The following PCDHGB6 variants were observed in gnomAD, a reference collection of about 807,000 sequenced individuals.
PCDHGB6 encodes protocadherin gamma-B6.
Under a neutral mutation model 59.1 loss-of-function variants are expected in PCDHGB6, and 51 were observed. The ratio of observed to expected loss-of-function variants is 0.86; its 90% CI spans 0.69 to 1.09. The LOEUF is 1.09. PCDHGB6 is among the 50% of genes least tolerant of loss of function. The pLI is 0.00. For missense variants in PCDHGB6, 1,148 were observed against 1,205.1 expected (o/e 0.95, Z 0.70); for synonymous variants, 466 against 495.1 (o/e 0.94, Z 0.78).
In PCDHGB6 at chr5:141,432,808, C is replaced by G. The variant is rs1473886709; in HGVS notation, c.2418+22188C>G. ...TCGGCAGCCTCGAGTCTCCAGCTAA[C>G]TCTGAAACCTCAGACCTCACTCTGT... is the stretch of plus-strand genomic sequence containing the variant. On this transcript the variant is annotated intron_variant, in intron 1 of 3. Coordinates refer to ENST00000520790, the MANE Select transcript of PCDHGB6 (RefSeq NM_018926.3). This position sits in a 1 kb window ranked among gnomAD's most constrained non-coding sequence, Gnocchi z 6.0. 2 of 1,613,486 alleles carry G rather than the reference C, an allele frequency of 1.2e-6. No individual in the cohort carries two copies. Among genetic ancestry groups the G allele is most frequent in the Non-Finnish European group, 1.7e-6 (2 of 1,180,008 alleles).
intron 1 of PCDHGB6, among the ~76,000 whole-genome samples, chr5:141,458,909 T>G (rs548847649): frequency 6.6e-6 from 1 of 152,192 alleles, no homozygotes; most frequent in African/African-American, 2.4e-5. Context: ...TTTTTTCTAT[T>G]TTTTGTGGAG....
chr5:141,409,130 G>C lies in PCDHGB6; in HGVS notation c.928G>C (p.Glu310Gln), dbSNP rs1265386524. The C allele has an allele frequency of 2.5e-6, 4 of 1,613,994 alleles. No individual in the cohort carries two copies. Among genetic ancestry groups the C allele is most frequent in the Non-Finnish European group, 3.4e-6 (4 of 1,179,886 alleles). The change falls in exon 1 of 4, where the codon GAA becomes CAA. Residue 310 changes from glutamate (E) to glutamine (Q), a missense_variant. Transcript: ENST00000520790. ...MIKNNQSFDF[E>Q]DVERYTMEVE... ...TAAGAATAACCAGTCATTTGATTTT[G>C]AAGATGTAGAAAGGTACACCATGGA...
In PCDHGB6 at chr5:141,427,737, G is replaced by C. The variant is rs1460682938; in HGVS notation, c.2418+17117G>C. 2.5e-6 allele frequency: 3 copies of C among 1,223,986 alleles called. No homozygotes were observed. The African/African-American group carries it at 4.4e-5, about 18-fold the overall frequency. 75.8% of individuals were successfully genotyped at this position (1,223,986 alleles called of 1,614,324 possible). A position where few individuals can be genotyped will look rare whatever the true frequency, so the allele number is the denominator to read the frequency against. On this transcript the variant is annotated intron_variant, in intron 1 of 3. Coordinates refer to ENST00000520790, the MANE Select transcript of PCDHGB6 (RefSeq NM_018926.3). The stretch of plus-strand genomic sequence containing the variant: ...CCTGGACCTAGGGCTGAATGGCCAA[G>C]TCTCCTACTCCATCGTTACCACTGA...
rs770638374 is a variant in PCDHGB6 at position 141,409,524 on chromosome 5, A to G, written c.1322A>G (p.Tyr441Cys). Residue 441 changes from tyrosine (Y) to cysteine (C), a missense_variant, in exon 1 of 4, where the codon TAT becomes TGT. Tyr to Cys is a radical substitution (Grantham distance 194). Coordinates refer to ENST00000520790, the MANE Select transcript of PCDHGB6 (RefSeq NM_018926.3). ...PLSSSRSITL[Y>C]VADINDNAPV... ...TCTTCCAGTAGAAGCATCACCTTGTATGTCGCTGACATCAACGACAACGCC... is the reference window on the plus strand; with the variant it reads ...TCTTCCAGTAGAAGCATCACCTTGTGTGTCGCTGACATCAACGACAACGCC... 11 of 1,613,972 alleles carry G rather than the reference A, an allele frequency of 6.8e-6. No homozygotes were observed. In the South Asian group the frequency reaches 1.1e-4, roughly 16 times the overall value.
Position 141,432,442 on chromosome 5 carries a change from G to A in PCDHGB6, c.2418+21822G>A. 1 of 1,614,228 alleles carries A rather than the reference G, an allele frequency of 6.2e-7. No individual in the cohort carries two copies. Among genetic ancestry groups the A allele is most frequent in the Non-Finnish European group, 8.5e-7 (1 of 1,180,042 alleles). On this transcript the variant is annotated intron_variant, in intron 1 of 3. Transcript: ENST00000520790. The surrounding 1 kb of genome is among the most constrained non-coding windows in gnomAD (Gnocchi z 6.0). ...TGGACCAGAACGACAATGCGCCCGA[G>A]ATCCTGTACCCCGCCCTCCCCACGG...
At position 141,490,479 on chromosome 5, in the gene PCDHGB6, C is replaced by T; in HGVS notation, c.2419-4328C>T. 11 of 1,614,216 alleles carry T rather than the reference C, an allele frequency of 6.8e-6. No homozygotes were observed. Among genetic ancestry groups the T allele is most frequent in the Non-Finnish European group, 9.3e-6 (11 of 1,180,032 alleles). ...CGCTGCTAACCAGCCAGCCTTTGGACCGGGAGGCCACATCCCACTATATCA... is the reference window on the plus strand; with the variant it reads ...CGCTGCTAACCAGCCAGCCTTTGGATCGGGAGGCCACATCCCACTATATCA... On this transcript the variant is annotated intron_variant, in intron 1 of 3. Coordinates refer to ENST00000520790, the MANE Select transcript of PCDHGB6 (RefSeq NM_018926.3). This position sits in a 1 kb window ranked among gnomAD's most constrained non-coding sequence, Gnocchi z 5.4.
rs1172248089 is a variant in PCDHGB6, at chr5:141,410,023, C to T, written c.1821C>T (p.His607=). The T allele has an allele frequency of 6.2e-7, 1 of 1,613,310 alleles. No homozygotes were observed. Among genetic ancestry groups the T allele is most frequent in the South Asian group, 1.1e-5 (1 of 91,086 alleles). The part of the protein sequence containing the change: ...DSGHNAWLSY[H]VLQASEPGLF... ...GACACAACGCCTGGCTGTCCTACCA[C>T]GTGCTGCAGGCCAGTGAGCCCGGAC... The change falls in exon 1 of 4, where the codon CAC becomes CAT. Residue 607 remains histidine (H), a synonymous_variant. Coordinates refer to ENST00000520790, the MANE Select transcript of PCDHGB6 (RefSeq NM_018926.3).
At chr5:141,471,932 A>T (rs1015576042) in intron 1 of PCDHGB6, among the ~76,000 whole-genome samples, 1 of 152,158 alleles carries the variant, frequency 6.6e-6, no homozygotes, top group Non-Finnish European at 1.5e-5. Context: ...GGGGGTGATG[A>T]GAGTTTTCTA....
At chr5:141,430,877 G>A (rs1392342627) in intron 1 of PCDHGB6, 5 of 1,600,678 alleles carry the variant, frequency 3.1e-6, no homozygotes, top group African/African-American at 2.7e-5. Context: ...GGAAGAGCTG[G>A]AGAAAGGCTC....
chr5:141,468,820 C>G (rs1055751689), intron 1 of PCDHGB6, among the ~76,000 whole-genome samples: 1 of 151,830 alleles, frequency 6.6e-6, no homozygotes, highest in Non-Finnish European at 1.5e-5. Context: ...GAGCCAAGAT[C>G]AAGCCACTGC....
At chr5:141,464,982 T>A (rs914697541) in intron 1 of PCDHGB6, among the ~76,000 whole-genome samples, 1 of 152,030 alleles carries the variant, frequency 6.6e-6, no homozygotes, top group Non-Finnish European at 1.5e-5. Context: ...CTTCAAGTGA[T>A]CCTCCCACCT....
At chr5:141,415,081 C>T in intron 1 of PCDHGB6, 1 of 1,613,522 alleles carries the variant, frequency 6.2e-7, no homozygotes, top group Non-Finnish European at 8.5e-7. Context: ...GGCGCGAGCC[C>T]TGCTGGACAG....
intron 3 of PCDHGB6, among the ~76,000 whole-genome samples, chr5:141,506,877 G>A (rs998146154): frequency 1.3e-5 from 2 of 152,142 alleles, no homozygotes; most frequent in Non-Finnish European, 2.9e-5. Flanking sequence ...AGAGAACCAG[G>A]TGAAATCACA....
intron 1 of PCDHGB6, chr5:141,421,694 C>G (rs2096592726): frequency 6.2e-7 from 1 of 1,613,936 alleles, no homozygotes. Flanking sequence ...TTTGCTCTTC[C>G]TAATGCTAGG....
At chr5:141,450,006 C>CTTTTTTT (rs1554136305) in intron 1 of PCDHGB6, among the ~76,000 whole-genome samples, 1 of 132,982 alleles carries the variant, frequency 7.5e-6, no homozygotes, top group Admixed American at 7.8e-5. Context: ...TGCCATGTCT[C>CTTTTTTT]TTTTTTTTTT....
rs1243232069 is a variant in PCDHGB6 at position 141,490,842 on chromosome 5, G to A, written c.2419-3965G>A. Reference sequence around the variant, plus strand: ...TGCTGCAGATGCTGCAGATTGTGGTGGGGGTTCGAGACTCCGGCTCTCCCC... The same window carrying A: ...TGCTGCAGATGCTGCAGATTGTGGTAGGGGTTCGAGACTCCGGCTCTCCCC... On this transcript the variant is annotated intron_variant, in intron 1 of 3. Transcript: ENST00000520790. The surrounding 1 kb of genome is among the most constrained non-coding windows in gnomAD (Gnocchi z 5.4). 4.3e-6 allele frequency: 7 copies of A among 1,613,844 alleles called. No homozygotes were observed. In the South Asian group the frequency reaches 6.6e-5, roughly 15 times the overall value.
At chr5:141,419,878 G>A in intron 1 of PCDHGB6, 2 of 1,614,060 alleles carry the variant, frequency 1.2e-6, no homozygotes, top group Non-Finnish European at 1.7e-6. Context: ...AGGTACTGCC[G>A]GATTTCAGCG....
rs143638501 is a variant in PCDHGB6, at chr5:141,486,817, T to C, written c.2419-7990T>C. On this transcript the variant is annotated intron_variant, in intron 1 of 3. Coordinates refer to ENST00000520790, the MANE Select transcript of PCDHGB6 (RefSeq NM_018926.3). This position sits in a 1 kb window ranked among gnomAD's most constrained non-coding sequence, Gnocchi z 5.0. ...GGGGCAACCCACCCCTTAGCAGCACTGTAACAGTTCGTCTATTTGTGCTGG... is the reference window on the plus strand; with the variant it reads ...GGGGCAACCCACCCCTTAGCAGCACCGTAACAGTTCGTCTATTTGTGCTGG... 153 of 1,614,220 alleles carry C rather than the reference T, an allele frequency of 9.5e-5. 1 individual carries two copies. In the African/African-American group the frequency reaches 1.4e-3, roughly 15 times the overall value.
chr5:141,509,308 C>G (rs943174290), intron 3 of PCDHGB6, among the ~76,000 whole-genome samples: 6 of 152,152 alleles, frequency 3.9e-5, no homozygotes, highest in African/African-American at 1.4e-4. Flanking sequence ...CAGAGGGAGG[C>G]TGGGAGAGAA....
Sources: allele counts gnomAD v4.1 joint callset (sites outside exome capture counted in the v4.1 genomes callset), GRCh38; gene constraint gnomAD v4.1.1; non-coding constraint Gnocchi (gnomAD v3.1); transcripts MANE v1.5; gene names NCBI Gene and HGNC (gene_info 2026-07-23, HGNC 2026-07-21).